The following EFHB variants were observed in gnomAD, a reference collection of about 807,000 sequenced individuals.
EFHB encodes EF-hand domain family member B.
A neutral mutation model predicts 87.2 loss-of-function variants in EFHB; 91 were observed. The ratio of observed to expected loss-of-function variants is 1.04; its 90% confidence interval spans 0.88 to 1.24. The LOEUF (loss-of-function observed/expected upper bound fraction) is 1.24, where lower values mean the gene tolerates loss of function less well. Ranked by LOEUF, EFHB falls within the 50% of genes most tolerant of loss-of-function variation. EFHB has a pLI of 0.00. For synonymous variants in EFHB, 325 were observed against 333.6 expected, an observed-to-expected ratio of 0.97 and a Z score of 0.28; for missense variants, 1,084 against 998.8, an observed-to-expected ratio of 1.09 and a Z score of -1.15.
chr3:19,913,488 C>T (rs115655959), intron 5 of EFHB, among the ~76,000 whole-genome samples: 4,363 of 152,158 alleles, frequency 0.029, 209 homozygotes, highest in African/African-American at 0.099. Flanking sequence ...TAGGAATTAA[C>T]TTAATCAAAG....
In EFHB at chr3:19,919,831, A is replaced by G; in HGVS notation, c.996+2T>C. The G allele has an allele frequency of 6.2e-7, 1 of 1,610,648 alleles. No individual in the cohort carries two copies. Among genetic ancestry groups the G allele is most frequent in the Non-Finnish European group, 8.5e-7 (1 of 1,177,574 alleles). ...TACAAGGAAAAAAAGAAAATAACTT[A>G]CCAGTACTGAAATTTTAGATCTAAT... On this transcript the variant is annotated splice_donor_variant, in intron 3 of 12. Transcript: ENST00000295824. LOFTEE classifies it high-confidence loss of function.
chr3:19,884,615 C>A lies in EFHB; in HGVS notation c.1934G>T (p.Gly645Val), dbSNP rs539363853. The A allele has an allele frequency of 6.2e-7, 1 of 1,609,760 alleles. No homozygotes were observed. ...KEYEERVIIKGRKPDCVNPTE... is the reference protein window; with the variant it reads ...KEYEERVIIKVRKPDCVNPTE... ...AGGGTTTACACAATCTGGTTTTCTACCTTTAAGGAAAATAAATGAAAGAAA... is the reference window on the plus strand; with the variant it reads ...AGGGTTTACACAATCTGGTTTTCTAACTTTAAGGAAAATAAATGAAAGAAA... The change falls in exon 11 of 13, where the codon GGT becomes GTT. Residue 645 changes from glycine to valine, a missense_variant and splice_region_variant. Transcript: ENST00000295824.
chr3:19,896,749 G>T lies in EFHB; in HGVS notation c.1663C>A (p.Leu555Met). The T allele has an allele frequency of 6.2e-7, 1 of 1,613,982 alleles. No homozygotes were observed. The highest frequency in any genetic ancestry group is 8.5e-7 in the Non-Finnish European group (1 of 1,179,898). The change falls in exon 9 of 13, where the codon CTG (leucine) becomes ATG (methionine). Residue 555 changes from leucine to methionine, a missense_variant. By Grantham distance (15) the Leu-to-Met change is conservative. Transcript: ENST00000295824. Reference sequence around the variant, plus strand: ...AACTTTTGGTAATTAACTTTCTTCAGGTGATGCCGAACTGCTGCAATCAGG... The same window carrying T: ...AACTTTTGGTAATTAACTTTCTTCATGTGATGCCGAACTGCTGCAATCAGG... Reference protein sequence around the residue: ...RALIAAVRHHLKKVNYQKFDT... With the variant: ...RALIAAVRHHMKKVNYQKFDT...
At chr3:19,888,422 C>A in intron 10 of EFHB, 22 bp downstream of exon 10, 1 of 1,274,564 alleles carries the variant, frequency 7.8e-7, no homozygotes, top group Non-Finnish European at 1.0e-6. Context: ...AATAATTCAT[C>A]AAACCTTCAA....
upstream of EFHB, among the ~76,000 whole-genome samples, chr3:19,935,279 A>C (rs1559477801): frequency 6.6e-6 from 1 of 152,250 alleles, no homozygotes; most frequent in Non-Finnish European, 1.5e-5. Flanking sequence ...ATAATGTGGC[A>C]AACTAAAACT....
chr3:19,908,562 A>AAGAGAGAGAGAGAGAGAGAGAGAGAG (rs71624361), intron 5 of EFHB, among the ~76,000 whole-genome samples: 2 of 83,896 alleles, frequency 2.4e-5, no homozygotes, highest in African/African-American at 4.9e-5. Context: ...GAAAGAGAGA[A>AAGAGAGAGAGAGAGAGAGAGAGAGAG]AGAGAGAGAG....
rs535287971 is a variant in EFHB at position 19,924,870 on chromosome 3, A to T, written c.790-4303T>A. Among the ~76,000 whole-genome samples, 109 of 152,236 alleles carry T rather than the reference A, an allele frequency of 7.2e-4. 1 individual carries two copies. The highest frequency in any genetic ancestry group is 3.3e-3 in the Admixed American group (51 of 15,280). ...CATATACCCTAAAACTTAAAGTATA[A>T]TAATAAAAAAAAAGAAATAAAGATC... On this transcript the variant is annotated intron_variant, in intron 1 of 12. Coordinates refer to ENST00000295824, the MANE Select transcript of EFHB (RefSeq NM_144715.4).
chr3:19,917,770 T>C (rs1366726899), intron 4 of EFHB, among the ~76,000 whole-genome samples: 1 of 152,208 alleles, frequency 6.6e-6, no homozygotes, highest in East Asian at 1.9e-4. Flanking sequence ...ATTTGGTTAG[T>C]ACGCAGGTAG....
intron 12 of EFHB, among the ~76,000 whole-genome samples, chr3:19,882,055 A>ATAAATAATTAAT (rs1553627427): frequency 1.4e-5 from 2 of 140,130 alleles, no homozygotes; most frequent in Non-Finnish European, 3.0e-5. Flanking sequence ...AAATAAATAA[A>ATAAATAATTAAT]TAAATAATTA....
In EFHB at chr3:19,933,217, GA is replaced by G. The variant is rs750755623; in HGVS notation, c.789+12del. 2 of 1,606,448 alleles carry G rather than the reference GA, an allele frequency of 1.2e-6. No individual in the cohort carries two copies. The highest frequency in any genetic ancestry group is 1.7e-6 in the Non-Finnish European group (2 of 1,175,400). On this transcript the variant is annotated intron_variant, in intron 1 of 12. Transcript: ENST00000295824. Reference sequence around the variant, plus strand: ...CACAGTTTAGTTCCTATGGAAAGTGGAAAAAAACTTACACTTGGCCAGCAAG... The same window carrying G: ...CACAGTTTAGTTCCTATGGAAAGTGGAAAAAACTTACACTTGGCCAGCAAG...
chr3:19,939,430 G>A (rs1696102241), intron 1 of EFHB, among the ~76,000 whole-genome samples: 1 of 126,526 alleles, frequency 7.9e-6, no homozygotes, highest in South Asian at 2.7e-4. Context: ...TCGCGCCCAG[G>A]CTGGAGTGCA....
In EFHB at chr3:19,939,370, C is replaced by CTTTTTTTTTTTT. The variant is rs147510880; in HGVS notation, c.-31-3048_-31-3037dup. ...TGCCACTCAAACTGGGTTGGGTCTC[C>CTTTTTTTTTTTT]TTTTTTTTTTTTTTTTTTTTTTTTT... is the stretch of plus-strand genomic sequence containing the variant. On this transcript the variant is annotated intron_variant, in intron 1 of 14. Transcript: ENST00000344838. Among the ~76,000 whole-genome samples the CTTTTTTTTTTTT allele has an allele frequency of 1.8e-3, 116 of 64,582 alleles. 8 individuals are homozygous for CTTTTTTTTTTTT. Among genetic ancestry groups the CTTTTTTTTTTTT allele is most frequent in the African/African-American group, 6.2e-3 (98 of 15,850 alleles). The allele number at this position is 64,582 out of a possible 152,430, so 42.4% of individuals were successfully genotyped here.
intron 6 of EFHB, among the ~76,000 whole-genome samples, chr3:19,903,163 G>A (rs1019530454): frequency 1.3e-5 from 2 of 149,772 alleles, no homozygotes; most frequent in African/African-American, 2.4e-5. Flanking sequence ...GGTGACAGAG[G>A]GAGACTCCAT....
intron 5 of EFHB, among the ~76,000 whole-genome samples, chr3:19,908,648 G>T (rs532227340): frequency 2.7e-4 from 40 of 148,446 alleles, no homozygotes; most frequent in African/African-American, 9.2e-4. Context: ...AAGAAAGAAA[G>T]AAAGAAAAAG....
chr3:19,926,201 A>G (rs1285914167), intron 1 of EFHB, among the ~76,000 whole-genome samples: 1 of 152,200 alleles, frequency 6.6e-6, no homozygotes, highest in Non-Finnish European at 1.5e-5. Flanking sequence ...ACCCCTTTGC[A>G]TGACATTTGT....
At chr3:19,929,782 G>A (rs1414484918) in intron 1 of EFHB, among the ~76,000 whole-genome samples, 9 of 149,888 alleles carry the variant, frequency 6.0e-5, no homozygotes, top group African/African-American at 2.2e-4. Context: ...AGTCTTTGTA[G>A]TAATAGTTAA....
At chr3:19,936,912 T>A (rs117833027), upstream of EFHB, among the ~76,000 whole-genome samples, 2,276 of 140,800 alleles carry the variant, frequency 0.016, 67 homozygotes, top group South Asian at 0.087. Flanking sequence ...AATAAATAAA[T>A]AAAAAGTGAG....
intron 1 of EFHB, among the ~76,000 whole-genome samples, chr3:19,931,300 G>A (rs3849533): frequency 0.17 from 26,040 of 152,202 alleles, 2,880 homozygotes; most frequent in Non-Finnish European, 0.25. Context: ...TCTCTTTCTT[G>A]TCCTATCACA....
chr3:19,920,430 C>A, intron 2 of EFHB, 75 bp downstream of exon 2: 2 of 1,236,596 alleles, frequency 1.6e-6, no homozygotes, highest in Non-Finnish European at 2.3e-6. Context: ...TCATAAGGAA[C>A]GTTGAGTTGC....
Sources: allele counts gnomAD v4.1 joint callset (sites outside exome capture counted in the v4.1 genomes callset), GRCh38; gene constraint gnomAD v4.1.1; transcripts MANE v1.5; gene names NCBI Gene and HGNC (gene_info 2026-07-23, HGNC 2026-07-21).